The following UBAC2 variants were observed in gnomAD, a reference collection of about 807,000 sequenced individuals.
UBAC2 encodes UBA domain containing 2.
UBAC2 carries 26 observed loss-of-function variants against 44.0 expected under a neutral mutation model. That is an observed-to-expected ratio of 0.59 (90% confidence interval 0.43 to 0.82). The LOEUF (loss-of-function observed/expected upper bound fraction) is 0.82, where lower values mean the gene tolerates loss of function less well. Among genes scored for constraint, UBAC2 ranks in the 40% least tolerant of loss-of-function variants. The pLI, the probability that UBAC2 is intolerant of heterozygous loss-of-function variation, is 0.00. For missense variants in UBAC2, 329 were observed against 419.4 expected, an observed-to-expected ratio of 0.78 and a Z score of 1.88; for synonymous variants, 155 against 154.3, an observed-to-expected ratio of 1.00 and a Z score of -0.04.
chr13:99,354,121 C>T (rs1034386378), intron 7 of UBAC2, among the ~76,000 whole-genome samples: 7 of 152,266 alleles, frequency 4.6e-5, no homozygotes, highest in Admixed American at 4.6e-4. Flanking sequence ...CCCTTCACTG[C>T]TCTGCACCTG....
intron 7 of UBAC2, among the ~76,000 whole-genome samples, chr13:99,361,785 T>C (rs1364322531): frequency 2.6e-5 from 4 of 152,122 alleles, no homozygotes; most frequent in South Asian, 4.1e-4. Flanking sequence ...GCCAAATATC[T>C]CCTGGATTGG....
At chr13:99,350,662 A>G (rs2045070894) in intron 7 of UBAC2, among the ~76,000 whole-genome samples, 1 of 152,216 alleles carries the variant, frequency 6.6e-6, no homozygotes, top group Non-Finnish European at 1.5e-5. Flanking sequence ...TTTCTAATAA[A>G]TGGGTAGATG....
intron 4 of UBAC2, among the ~76,000 whole-genome samples, chr13:99,245,537 C>T (rs940242395): frequency 3.3e-5 from 5 of 152,038 alleles, no homozygotes; most frequent in African/African-American, 9.7e-5. Context: ...GTTGACAGAA[C>T]GAGACTCCAT....
At chr13:99,341,392 G>T (rs1247726229) in intron 7 of UBAC2, among the ~76,000 whole-genome samples, 1 of 138,400 alleles carries the variant, frequency 7.2e-6, no homozygotes, top group African/African-American at 2.7e-5. Context: ...AGTCCCATTG[G>T]AGATGCAGGT....
chr13:99,346,668 G>A (rs575080749), intron 7 of UBAC2, among the ~76,000 whole-genome samples: 15 of 151,342 alleles, frequency 9.9e-5, no homozygotes, highest in Non-Finnish European at 1.9e-4. Context: ...CTATTTACTC[G>A]GCATTCCTGA....
intron 4 of UBAC2, among the ~76,000 whole-genome samples, chr13:99,279,269 T>A (rs1343215428): frequency 6.6e-6 from 1 of 152,178 alleles, no homozygotes; most frequent in East Asian, 1.9e-4. Context: ...AATGCTTGAA[T>A]GTGATTGCAC....
intron 6 of UBAC2, among the ~76,000 whole-genome samples, chr13:99,336,130 T>A (rs2044785914): frequency 6.6e-6 from 1 of 152,236 alleles, no homozygotes; most frequent in Non-Finnish European, 1.5e-5. Flanking sequence ...TTTCATGAGT[T>A]TGTCAGCCAT....
intron 4 of UBAC2, among the ~76,000 whole-genome samples, chr13:99,280,273 G>A (rs2043934962): frequency 6.6e-6 from 1 of 152,132 alleles, no homozygotes; most frequent in Admixed American, 6.5e-5. Flanking sequence ...CTCATTTTCT[G>A]TCATTCCTTC....
chr13:99,385,014 G>A (rs2045602081), intron 8 of UBAC2, among the ~76,000 whole-genome samples: 1 of 152,226 alleles, frequency 6.6e-6, no homozygotes, highest in Admixed American at 6.5e-5. Context: ...AGGGTTATGT[G>A]CGATCATGCA....
intron 8 of UBAC2, among the ~76,000 whole-genome samples, chr13:99,375,688 A>G (rs905876612): frequency 2.0e-5 from 3 of 152,230 alleles, no homozygotes; most frequent in African/African-American, 7.2e-5. Flanking sequence ...GGGAGTTGCT[A>G]GAAATCTCAT....
chr13:99,251,643 A>G (rs1392279018), intron 4 of UBAC2, among the ~76,000 whole-genome samples: 1 of 152,184 alleles, frequency 6.6e-6, no homozygotes, highest in East Asian at 1.9e-4. Flanking sequence ...TCTCATTTCC[A>G]TCAGAATAAA....
intron 4 of UBAC2, among the ~76,000 whole-genome samples, chr13:99,277,502 G>A (rs1404020614): frequency 6.6e-6 from 1 of 152,126 alleles, no homozygotes; most frequent in African/African-American, 2.4e-5. Context: ...TCCAGCCTGG[G>A]CAACAAGAGG....
chr13:99,202,503 A>C (rs1240368705), intron 1 of UBAC2, among the ~76,000 whole-genome samples: 1 of 152,204 alleles, frequency 6.6e-6, no homozygotes, highest in African/African-American at 2.4e-5. Context: ...TTGCTGGCCA[A>C]AGTACATATA....
At chr13:99,368,970 A>G (rs2045370754) in intron 8 of UBAC2, among the ~76,000 whole-genome samples, 1 of 152,198 alleles carries the variant, frequency 6.6e-6, no homozygotes, top group African/African-American at 2.4e-5. Flanking sequence ...AGGACACTGG[A>G]GCCAGCTGCG....
chr13:99,238,590 G>T, intron 2 of UBAC2, 36 bp downstream of exon 2: 3 of 1,487,472 alleles, frequency 2.0e-6, no homozygotes, highest in Middle Eastern at 1.8e-4. Context: ...AGAGGAGAGC[G>T]GACAGTTTTT....
chr13:99,233,173 C>T (rs1375016111), intron 1 of UBAC2, among the ~76,000 whole-genome samples: 1 of 150,548 alleles, frequency 6.6e-6, no homozygotes, highest in Non-Finnish European at 1.5e-5. Context: ...AGTGCAGTGG[C>T]GTGATCTCGG....
chr13:99,284,101 A>G (rs1288420222), intron 4 of UBAC2, among the ~76,000 whole-genome samples: 1 of 152,252 alleles, frequency 6.6e-6, no homozygotes, highest in Non-Finnish European at 1.5e-5. Flanking sequence ...CAACTTGAGC[A>G]TTTTAACTTG....
intron 1 of UBAC2, among the ~76,000 whole-genome samples, chr13:99,212,293 G>A (rs1414965037): frequency 6.6e-6 from 1 of 152,166 alleles, no homozygotes; most frequent in Non-Finnish European, 1.5e-5. Context: ...ATGGTACTAT[G>A]AGGAGCTCCT....
At chr13:99,203,023 T>TTTTATTTTATTTATTTA (rs1555317917) in intron 1 of UBAC2, among the ~76,000 whole-genome samples, 1 of 146,422 alleles carries the variant, frequency 6.8e-6, no homozygotes, top group Admixed American at 6.8e-5. Context: ...CTTTGTTTTA[T>TTTTATTTTATTTATTTA]TTTATTTATT....
Sources: gnomAD v4.1 joint callset for allele counts (sites outside exome capture counted in the v4.1 genomes callset) on GRCh38, gnomAD v4.1.1 for gene constraint, MANE v1.5 for transcripts, NCBI Gene and HGNC (gene_info 2026-07-23, HGNC 2026-07-21) for gene names.